SLC35F1: variants seen among roughly 807,000 people sequenced by gnomAD.
The protein encoded by SLC35F1 is solute carrier family 35 member F1, also known as chromosome 6 open reading frame 169.
Under a neutral mutation model 48.7 loss-of-function variants are expected in SLC35F1, and 14 were observed. That is an observed-to-expected ratio of 0.29 (90% CI 0.19 to 0.45). The LOEUF (loss-of-function observed/expected upper bound fraction) is 0.45. Among genes scored for constraint, SLC35F1 ranks in the 20% least tolerant of loss-of-function variants. The pLI, the probability that SLC35F1 is intolerant of heterozygous loss-of-function variation, is 1.00. For synonymous variants in SLC35F1, 190 were observed against 202.2 expected (o/e 0.94, Z 0.51); for missense variants, 404 against 500.0 (o/e 0.81, Z 1.83).
At chr6:118,285,713 C>A (rs1348959988) in intron 7 of SLC35F1, among the ~76,000 whole-genome samples, 1 of 152,186 alleles carries the variant, frequency 6.6e-6, no homozygotes, top group Non-Finnish European at 1.5e-5. Context: ...AAGGCCTTGG[C>A]AGAGTATGTT....
At chr6:118,038,164 A>G (rs1053821052) in intron 1 of SLC35F1, among the ~76,000 whole-genome samples, 9 of 152,198 alleles carry the variant, frequency 5.9e-5, no homozygotes, top group African/African-American at 2.2e-4. Context: ...TTAAAAGCCT[A>G]CTGAAAAATG....
intron 3 of SLC35F1, among the ~76,000 whole-genome samples, chr6:118,239,956 G>T (rs573367442): frequency 6.6e-5 from 10 of 152,248 alleles, no homozygotes; most frequent in Non-Finnish European, 1.0e-4. Context: ...GTGCTGTTTA[G>T]TAATTTAGTT....
At chr6:117,928,075 A>G (rs936797748) in intron 1 of SLC35F1, among the ~76,000 whole-genome samples, 2 of 152,124 alleles carry the variant, frequency 1.3e-5, no homozygotes, top group East Asian at 1.9e-4. Flanking sequence ...TGTAACTTTC[A>G]TTGCTCCCAT....
chr6:118,001,852 G>A (rs1562261104), intron 1 of SLC35F1, among the ~76,000 whole-genome samples: 1 of 151,966 alleles, frequency 6.6e-6, no homozygotes, highest in African/African-American at 2.4e-5. Context: ...ATGAAAAAAT[G>A]CTCACTATCA....
At chr6:117,914,128 ATCTATCT>A (rs1304422771) in intron 1 of SLC35F1, among the ~76,000 whole-genome samples, 3 of 150,686 alleles carry the variant, frequency 2.0e-5, no homozygotes, top group African/African-American at 7.4e-5. Context: ...CTATCTATCT[ATCTATCT>A]ATCTGTCTAT....
intron 3 of SLC35F1, among the ~76,000 whole-genome samples, chr6:118,237,904 C>T (rs1224830560): frequency 2.0e-5 from 3 of 152,094 alleles, no homozygotes; most frequent in Non-Finnish European, 4.4e-5. Flanking sequence ...CATACTAATA[C>T]ACTGAAAAAA....
At chr6:117,925,541 A>T (rs1776017022) in intron 1 of SLC35F1, among the ~76,000 whole-genome samples, 1 of 152,142 alleles carries the variant, frequency 6.6e-6, no homozygotes, top group African/African-American at 2.4e-5. Flanking sequence ...TGGGATAATT[A>T]ATATTCTCTT....
chr6:118,245,130 C>A (rs761436739), intron 3 of SLC35F1, among the ~76,000 whole-genome samples: 58 of 152,228 alleles, frequency 3.8e-4, no homozygotes, highest in Non-Finnish European at 2.5e-4. Context: ...TCATGCTACA[C>A]TTGGATGTCC....
chr6:118,305,077 T>TGTGC (rs1208775953), intron 7 of SLC35F1, among the ~76,000 whole-genome samples: 1 of 140,674 alleles, frequency 7.1e-6, no homozygotes, highest in Non-Finnish European at 1.5e-5. Flanking sequence ...TGTGTGTGTG[T>TGTGC]GTGTGTGTGT....
intron 1 of SLC35F1, among the ~76,000 whole-genome samples, chr6:118,084,799 C>T (rs1490716843): frequency 5.3e-5 from 8 of 151,900 alleles, no homozygotes. Flanking sequence ...TTGCTCCTTT[C>T]CCCAGCTGTC....
At chr6:118,053,329 A>G (rs1772417591) in intron 1 of SLC35F1, among the ~76,000 whole-genome samples, 1 of 152,194 alleles carries the variant, frequency 6.6e-6, no homozygotes, top group Admixed American at 6.5e-5. Flanking sequence ...TAATAATTCT[A>G]TAGAGAGCAG....
chr6:118,007,124 G>A (rs1777184210), intron 1 of SLC35F1, among the ~76,000 whole-genome samples: 1 of 151,684 alleles, frequency 6.6e-6, no homozygotes, highest in Admixed American at 6.6e-5. Flanking sequence ...TTTATCTCTT[G>A]TAATTATGGA....
intron 3 of SLC35F1, among the ~76,000 whole-genome samples, chr6:118,239,984 A>T (rs1215570760): frequency 6.6e-6 from 1 of 152,224 alleles, no homozygotes; most frequent in Non-Finnish European, 1.5e-5. Context: ...CTCACTACAG[A>T]TTTATGGAAC....
intron 1 of SLC35F1, among the ~76,000 whole-genome samples, chr6:117,995,600 G>A (rs1776975015): frequency 1.3e-5 from 2 of 152,102 alleles, no homozygotes; most frequent in Admixed American, 1.3e-4. Context: ...AATTAGCTGG[G>A]TGTGGTCGTG....
chr6:117,953,115 T>A (rs991315424), intron 1 of SLC35F1, among the ~76,000 whole-genome samples: 1 of 152,190 alleles, frequency 6.6e-6, no homozygotes, highest in African/African-American at 2.4e-5. Flanking sequence ...AGAGAGTAGT[T>A]GTTATTGTTT....
chr6:118,049,086 C>A (rs1371678050), intron 1 of SLC35F1, among the ~76,000 whole-genome samples: 1 of 152,130 alleles, frequency 6.6e-6, no homozygotes, highest in Non-Finnish European at 1.5e-5. Flanking sequence ...TGATCTTTGA[C>A]AAACCTGACA....
chr6:118,073,908 C>T (rs1335143435), intron 1 of SLC35F1, among the ~76,000 whole-genome samples: 2 of 152,076 alleles, frequency 1.3e-5, no homozygotes, highest in African/African-American at 4.8e-5. Context: ...AATAATTTAT[C>T]GTATCAAGAT....
rs577268792 is a variant in SLC35F1, at chr6:118,305,312, T to C, written c.1003-8716T>C. 1.9e-4 allele frequency among the ~76,000 whole-genome samples: 29 copies of C among 151,812 alleles called. 1 individual carries two copies. In the South Asian group the frequency reaches 5.9e-3, roughly 31 times the overall value. On this transcript the variant is annotated intron_variant, in intron 7 of 7. Transcript: ENST00000360388. Reference sequence around the variant, plus strand: ...GGTGAGGCTCACCCCACCCACATTATGGAAAGTGATCTGTTTTACTCAAAG... The same window carrying C: ...GGTGAGGCTCACCCCACCCACATTACGGAAAGTGATCTGTTTTACTCAAAG...
At chr6:118,175,837 T>C (rs540988795) in intron 2 of SLC35F1, among the ~76,000 whole-genome samples, 1 of 152,236 alleles carries the variant, frequency 6.6e-6, no homozygotes, top group South Asian at 2.1e-4. Flanking sequence ...TGAGAAAGTA[T>C]CCGTAGTCAT....
Sources: gnomAD v4.1 joint callset for allele counts (sites outside exome capture counted in the v4.1 genomes callset) on GRCh38, gnomAD v4.1.1 for gene constraint, MANE v1.5 for transcripts, NCBI Gene and HGNC (gene_info 2026-07-23, HGNC 2026-07-21) for gene names.